The following NBAS variants were observed in gnomAD, a reference collection of about 807,000 sequenced individuals.
NBAS encodes NAG/BC035112 fusion.
Under a neutral mutation model 302.5 loss-of-function variants are expected in NBAS, and 219 were observed. The observed-to-expected ratio is 0.72, with a 90% confidence interval of 0.65 to 0.81. The LOEUF (loss-of-function observed/expected upper bound fraction) is 0.81. NBAS is among the 30% of genes least tolerant of loss of function. NBAS has a pLI of 0.00. For synonymous variants in NBAS, 1,118 were observed against 1,021.6 expected (o/e 1.09, Z -1.80); for missense variants, 2,932 against 2,841.6 (o/e 1.03, Z -0.72).
chr2:15,305,449 G>GTTT (rs35136896), intron 40 of NBAS, among the ~76,000 whole-genome samples: 1 of 123,770 alleles, frequency 8.1e-6, no homozygotes, highest in Non-Finnish European at 1.7e-5. Flanking sequence ...GTCTCGAGCA[G>GTTT]TTTTTTTTTT....
the NBAS span, among the ~76,000 whole-genome samples, chr2:14,827,023 A>T: frequency 6.6e-6 from 1 of 152,234 alleles, no homozygotes; most frequent in Non-Finnish European, 1.5e-5. Flanking sequence ...ACCCAGAAGC[A>T]GGACTTAATT....
chr2:15,301,777 T>A lies in NBAS; in HGVS notation c.4797+6439A>T, dbSNP rs142201544. Among the ~76,000 whole-genome samples the A allele has an allele frequency of 2.0e-5, 3 of 152,146 alleles. No individual in the cohort carries two copies. In the South Asian group the frequency reaches 6.2e-4, roughly 32 times the overall value. On this transcript the variant is annotated intron_variant, in intron 40 of 51. Coordinates refer to ENST00000281513, the MANE Select transcript of NBAS (RefSeq NM_015909.4). ...TCCAGCTTGGAGGACTGGAGAAAGG[T>A]TCCTGAGTGAGGTAACACCTGAACC...
At chr2:15,095,371 G>T in the NBAS span, among the ~76,000 whole-genome samples, 10 of 152,164 alleles carry the variant, frequency 6.6e-5, no homozygotes, top group Non-Finnish European at 1.3e-4. Context: ...TTACATCACA[G>T]CAGGCAAGAG....
At chr2:15,289,427 T>C (rs1670203076) in intron 41 of NBAS, among the ~76,000 whole-genome samples, 1 of 152,216 alleles carries the variant, frequency 6.6e-6, no homozygotes, top group Non-Finnish European at 1.5e-5. Context: ...GAAGTATTTA[T>C]TTGAGTACCT....
intron 50 of NBAS, among the ~76,000 whole-genome samples, chr2:15,185,612 C>T (rs1665038202): frequency 6.6e-6 from 1 of 152,118 alleles, no homozygotes; most frequent in African/African-American, 2.4e-5. Context: ...GAGCAGATCA[C>T]GGGTTCATAA....
the NBAS span, among the ~76,000 whole-genome samples, chr2:14,953,219 T>C: frequency 6.6e-6 from 1 of 151,876 alleles, no homozygotes; most frequent in African/African-American, 2.4e-5. Context: ...AGGACAAAAC[T>C]GGAGGGAGAG....
rs549867109 is a variant in NBAS, at chr2:15,181,799, C to T, written c.6712-2683G>A. On this transcript the variant is annotated intron_variant, in intron 50 of 51. Coordinates refer to ENST00000281513, the MANE Select transcript of NBAS (RefSeq NM_015909.4). ...AGTTCACAAATATGCCTTCTGTCCT[C>T]ACACAACTCTCCTACTGTCCCTGGA... is the stretch of plus-strand genomic sequence containing the variant. Among the ~76,000 whole-genome samples, 6 of 152,342 alleles carry T rather than the reference C, an allele frequency of 3.9e-5. No homozygotes were observed. The East Asian group carries it at 9.7e-4, about 25-fold the overall frequency.
chr2:15,384,596 G>GT (rs1020058079), intron 28 of NBAS, among the ~76,000 whole-genome samples: 7 of 150,428 alleles, frequency 4.7e-5, no homozygotes, highest in East Asian at 2.0e-4. Flanking sequence ...AATACATCTT[G>GT]TTTTTTTATT....
chr2:15,290,882 T>C lies in NBAS; in HGVS notation c.5027+1655A>G, dbSNP rs1474917203. 4.9e-4 allele frequency among the ~76,000 whole-genome samples: 74 copies of C among 152,214 alleles called. 1 individual carries two copies. Among genetic ancestry groups the C allele is most frequent in the Non-Finnish European group, 1.5e-5 (1 of 68,046 alleles). On this transcript the variant is annotated intron_variant, in intron 41 of 51. Transcript: ENST00000281513. ...TCTATGCCATGCCTCGTTCTAAAGA[T>C]AATTTTGGGTGTAGAAGAAGAATTT...
At chr2:15,089,052 A>G in the NBAS span, among the ~76,000 whole-genome samples, 2 of 152,248 alleles carry the variant, frequency 1.3e-5, no homozygotes, top group South Asian at 4.1e-4. Context: ...GCTAAACCAC[A>G]CCTTCGGTTC....
At chr2:15,245,258 C>T (rs1416582547) in intron 44 of NBAS, among the ~76,000 whole-genome samples, 2 of 152,088 alleles carry the variant, frequency 1.3e-5, no homozygotes, top group Non-Finnish European at 2.9e-5. Context: ...GATCCTATCC[C>T]CTCCCTGCCT....
In NBAS at chr2:15,558,593, C is replaced by T; in HGVS notation, c.159G>A (p.Thr53=). The change falls in exon 2 of 52, where the codon ACG becomes ACA. Residue 53 remains threonine (T), a synonymous_variant. Transcript: ENST00000281513. ...NQKHGASFII[T]KAIRDRLLFL... ...AGCTATATTTACCTCGAATTGCTTT[C>T]GTGATGATAAAGGATGCACCATGTT... 2.5e-6 allele frequency: 4 copies of T among 1,612,740 alleles called. No homozygotes were observed. Among genetic ancestry groups the T allele is most frequent in the African/African-American group, 2.7e-5 (2 of 74,982 alleles).
At chr2:15,295,362 C>T (rs928722665) in intron 40 of NBAS, among the ~76,000 whole-genome samples, 8 of 152,206 alleles carry the variant, frequency 5.3e-5, no homozygotes, top group African/African-American at 1.9e-4. Context: ...AGTAGTGTCT[C>T]CTTTTGCCAA....
the NBAS span, among the ~76,000 whole-genome samples, chr2:14,807,030 A>G: frequency 6.6e-6 from 1 of 152,278 alleles, no homozygotes; most frequent in Non-Finnish European, 1.5e-5. Context: ...TCTACAGAAA[A>G]AAAACAAAAC....
chr2:15,292,610 G>A lies in NBAS; in HGVS notation c.4954C>T (p.Arg1652Trp), dbSNP rs530475092. The change falls in exon 41 of 52, where the codon CGG (arginine) becomes TGG (tryptophan). Residue 1652 changes from arginine (R) to tryptophan (W), a missense_variant. Coordinates refer to ENST00000281513, the MANE Select transcript of NBAS (RefSeq NM_015909.4). ...FTQAQILQGL[R>W]KGVDVQRFTA... The stretch of plus-strand genomic sequence containing the variant: ...AACCGCTGCACGTCCACACCCTTCC[G>A]AAGGCCCTGAAGGATCTGCGCCTGA... 177 of 1,614,118 alleles carry A rather than the reference G, an allele frequency of 1.1e-4. 2 individuals carry two copies. The South Asian group carries it at 1.2e-3, about 11-fold the overall frequency.
the NBAS span, among the ~76,000 whole-genome samples, chr2:15,139,167 G>A: frequency 6.6e-6 from 1 of 152,244 alleles, no homozygotes; most frequent in East Asian, 1.9e-4. Flanking sequence ...CCCCAAGTGT[G>A]CATCTCCAAT....
intron 44 of NBAS, among the ~76,000 whole-genome samples, chr2:15,260,314 C>T (rs1416214574): frequency 6.6e-6 from 1 of 152,166 alleles, no homozygotes; most frequent in African/African-American, 2.4e-5. Flanking sequence ...TTGAAATTAC[C>T]TAAGTGCAAC....
the NBAS span, among the ~76,000 whole-genome samples, chr2:14,978,301 G>A: frequency 1.3e-5 from 2 of 152,050 alleles, no homozygotes. Context: ...TTGCATTAAA[G>A]CTCATTCTGT....
intron 21 of NBAS, among the ~76,000 whole-genome samples, chr2:15,452,707 CT>C (rs1434351717): frequency 2.7e-4 from 41 of 152,192 alleles, no homozygotes; most frequent in Admixed American, 8.5e-4. Context: ...AATGTATTCG[CT>C]CTGAATAGGA....
Sources: allele counts gnomAD v4.1 joint callset (sites outside exome capture counted in the v4.1 genomes callset), GRCh38; gene constraint gnomAD v4.1.1; transcripts MANE v1.5; gene names NCBI Gene and HGNC (gene_info 2026-07-23, HGNC 2026-07-21).